DST: variants seen among roughly 807,000 people sequenced by gnomAD.
DST encodes the protein dystonin, also known as bullous pemphigoid antigen.
In DST, 253 loss-of-function variants were observed where a neutral mutation model predicts 875.2. That is an observed-to-expected ratio of 0.29 (90% CI 0.26 to 0.32). The LOEUF (loss-of-function observed/expected upper bound fraction) is 0.32. Ranked by LOEUF, DST falls within the 10% of genes least tolerant of loss-of-function variation. The pLI, the probability that DST is intolerant of heterozygous loss-of-function variation, is 1.00. For synonymous variants in DST, 3,124 were observed against 3,197.1 expected (o/e 0.98, Z 0.77); for missense variants, 8,287 against 9,111.6 (o/e 0.91, Z 3.68).
intron 3 of DST, among the ~76,000 whole-genome samples, chr6:56,882,794 A>C (rs558395799): frequency 3.3e-5 from 5 of 152,258 alleles, no homozygotes; most frequent in Admixed American, 6.5e-5. Context: ...CTATTTACTA[A>C]GAAAAAATTG....
intron 9 of DST, among the ~76,000 whole-genome samples, chr6:56,688,995 C>A (rs1205577033): frequency 6.6e-6 from 1 of 152,056 alleles, no homozygotes; most frequent in Non-Finnish European, 1.5e-5. Context: ...GGGTAAATTG[C>A]CTCAGGTAAC....
chr6:56,510,124 A>G (rs2096442254), intron 73 of DST, among the ~76,000 whole-genome samples: 1 of 152,186 alleles, frequency 6.6e-6, no homozygotes, highest in African/African-American at 2.4e-5. Flanking sequence ...ATTTGAGTGT[A>G]TCCATTAAGA....
intron 49 of DST, among the ~76,000 whole-genome samples, chr6:56,585,018 G>A (rs2152664173): frequency 6.6e-6 from 1 of 151,864 alleles, no homozygotes; most frequent in Non-Finnish European, 1.5e-5. Context: ...GAGGATTTTT[G>A]CATCAATGTT....
chr6:56,593,625 A>C, intron 48 of DST, 38 bp downstream of exon 48: 1 of 1,442,212 alleles, frequency 6.9e-7, no homozygotes, highest in Non-Finnish European at 9.2e-7. Context: ...CTATAATTGC[A>C]GATTGACTTT....
rs781475363 is a variant in DST at position 56,552,784 on chromosome 6, T to G, written c.16008A>C (p.Ala5336=). ...KHQVDLAKRL[A]QDLVVEASDS... Reference sequence around the variant, plus strand: ...CTGAGGCCTCTACCACAAGGTCCTGTGCAAGTCTTTTAGCCAAATCTACCT... The same window carrying G: ...CTGAGGCCTCTACCACAAGGTCCTGGGCAAGTCTTTTAGCCAAATCTACCT... Residue 5336 remains alanine (A), a synonymous_variant, in exon 61 of 104, where the codon GCA becomes GCC. Transcript: ENST00000680361. 11 of 1,610,814 alleles carry G rather than the reference T, an allele frequency of 6.8e-6. No individual in the cohort carries two copies. Among genetic ancestry groups the G allele is most frequent in the East Asian group, 2.2e-5 (1 of 44,884 alleles).
chr6:56,928,415 G>A (rs1203756552), intron 2 of DST, among the ~76,000 whole-genome samples: 5 of 152,154 alleles, frequency 3.3e-5, no homozygotes, highest in African/African-American at 1.2e-4. Flanking sequence ...GAAAGGTGAG[G>A]TGAAGCTGGA....
chr6:56,475,999 T>C, intron 92 of DST, 150 bp downstream of exon 92: 1 of 667,444 alleles, frequency 1.5e-6, no homozygotes, highest in South Asian at 3.0e-5. Context: ...TTAGGGCAGT[T>C]GCAGAGTTGG....
intron 77 of DST, 53 bp downstream of exon 77, chr6:56,506,390 A>G: frequency 1.3e-5 from 18 of 1,411,696 alleles, no homozygotes; most frequent in Non-Finnish European, 1.8e-5. Flanking sequence ...GACATCAATT[A>G]GTACGATTCC....
At chr6:56,902,714 C>T (rs1794694368) in intron 2 of DST, among the ~76,000 whole-genome samples, 1 of 152,198 alleles carries the variant, frequency 6.6e-6, no homozygotes, top group South Asian at 2.1e-4. Flanking sequence ...CGAAAATAGT[C>T]CCAGAACATC....
intron 32 of DST, 50 bp downstream of exon 32, chr6:56,629,200 A>G (rs1674243845): frequency 6.3e-7 from 1 of 1,577,374 alleles, no homozygotes; most frequent in Non-Finnish European, 8.7e-7. Context: ...CTCATTTACC[A>G]TAGATAGACA....
In DST at chr6:56,527,529, T is replaced by C. The variant is rs756510396; in HGVS notation, c.17886A>G (p.Lys5962=). 1.1e-5 allele frequency: 18 copies of C among 1,613,608 alleles called. No individual in the cohort carries two copies. Among genetic ancestry groups the C allele is most frequent in the Non-Finnish European group, 4.2e-6 (5 of 1,179,796 alleles). ...ELLSYETQVL[K]GEEASQAQMR... is the part of the protein sequence containing the mutation. ...TTTGTGCTTGACTTGCTTCTTCTCC[T>C]TTCAGAACCTGAGTTTCATATGAAA... The change falls in exon 68 of 104, where the codon AAA becomes AAG. Residue 5962 remains lysine, a synonymous_variant. Coordinates refer to ENST00000680361, the MANE Select transcript of DST (RefSeq NM_001374736.1).
intron 3 of DST, among the ~76,000 whole-genome samples, chr6:56,886,514 G>A (rs990031313): frequency 3.3e-5 from 5 of 152,180 alleles, no homozygotes; most frequent in African/African-American, 4.8e-5. Flanking sequence ...GGTGGCTCAC[G>A]CCTGTAATCC....
chr6:56,937,747 G>A (rs879635587), intron 2 of DST, among the ~76,000 whole-genome samples: 6 of 152,158 alleles, frequency 3.9e-5, no homozygotes, highest in African/African-American at 7.2e-5. Flanking sequence ...TTAGGGAGAA[G>A]CGCCAATGTC....
chr6:56,552,113 A>G lies in DST; in HGVS notation c.16608+71T>C, dbSNP rs867362850. Reference sequence around the variant, plus strand: ...ATTAAAAAGTTCTACAAAATAGGCAATCTCCTTTCTAAGCAAATTAGAAAC... The same window carrying G: ...ATTAAAAAGTTCTACAAAATAGGCAGTCTCCTTTCTAAGCAAATTAGAAAC... On this transcript the variant is annotated intron_variant, in intron 61 of 103. Coordinates refer to ENST00000680361, the MANE Select transcript of DST (RefSeq NM_001374736.1). 4.1e-6 allele frequency: 6 copies of G among 1,474,400 alleles called. No homozygotes were observed. The Middle Eastern group carries it at 9.0e-4, about 222-fold the overall frequency. 91.3% of individuals were successfully genotyped at this position (1,474,400 alleles called of 1,614,324 possible). A position where few individuals can be genotyped will look rare whatever the true frequency, so the allele number is the denominator to read the frequency against.
chr6:56,548,285 G>A (rs1409550584), intron 61 of DST, among the ~76,000 whole-genome samples: 4 of 152,252 alleles, frequency 2.6e-5, no homozygotes, highest in Non-Finnish European at 4.4e-5. Flanking sequence ...CAGGTGGGCC[G>A]TGGGCCATGG....
In DST at chr6:56,555,214, C is replaced by T. The variant is rs929610454; in HGVS notation, c.15136+131G>A. 4.1e-6 allele frequency: 4 copies of T among 976,374 alleles called. No homozygotes were observed. In the East Asian group the frequency reaches 1.0e-4, roughly 25 times the overall value. 60.5% of individuals were successfully genotyped at this position (976,374 alleles called of 1,614,324 possible). On this transcript the variant is annotated intron_variant, in intron 60 of 103. Transcript: ENST00000680361. ...TGCTCTCTGAGCTCCTGTATTCATC[C>T]TCCTCTTCACTGATGTTAACAGTGG...
chr6:56,461,979 T>C (rs553008428), intron 102 of DST: 5 of 152,344 alleles, frequency 3.3e-5, no homozygotes, highest in Admixed American at 3.3e-4. Flanking sequence ...CATGGAGTCA[T>C]GAAGGTAACA....
chr6:56,799,816 G>T (rs2099744659), intron 4 of DST, among the ~76,000 whole-genome samples: 1 of 151,854 alleles, frequency 6.6e-6, no homozygotes, highest in South Asian at 2.1e-4. Flanking sequence ...TAGAGATGGG[G>T]TTTCACCATC....
chr6:56,582,603 T>A (rs1456234591), intron 49 of DST, among the ~76,000 whole-genome samples: 3 of 148,202 alleles, frequency 2.0e-5, no homozygotes, highest in African/African-American at 7.5e-5. Flanking sequence ...TTTCTTTTCT[T>A]TTTTTTTTTT....
Sources: allele counts gnomAD v4.1 joint callset (sites outside exome capture counted in the v4.1 genomes callset), GRCh38; gene constraint gnomAD v4.1.1; transcripts MANE v1.5; gene names NCBI Gene and HGNC (gene_info 2026-07-23, HGNC 2026-07-21).